The following GPALPP1 variants were observed in gnomAD, a reference collection of about 807,000 sequenced individuals.
GPALPP1 encodes the protein GPALPP motifs-containing protein 1.
Under a neutral mutation model 38.9 loss-of-function variants are expected in GPALPP1, and 30 were observed. The ratio of observed to expected loss-of-function variants is 0.77; its 90% CI spans 0.58 to 1.05. The LOEUF is 1.05. Among genes scored for constraint, GPALPP1 ranks in the 50% least tolerant of loss-of-function variants. The pLI, the probability that GPALPP1 is intolerant of heterozygous loss-of-function variation, is 0.00. For missense variants in GPALPP1, 384 were observed against 408.8 expected (o/e 0.94, Z 0.52); for synonymous variants, 120 against 139.2 (o/e 0.86, Z 0.97).
chr13:45,004,477 A>T (rs755801667), intron 2 of GPALPP1, 40 bp downstream of exon 2: 1 of 1,500,308 alleles, frequency 6.7e-7, no homozygotes, highest in East Asian at 2.3e-5. Context: ...ACCAAACTTC[A>T]GAGCTAGTAT....
In GPALPP1 at chr13:45,018,255, G is replaced by A. The variant is rs192392032; in HGVS notation, c.706-2075G>A. Among the ~76,000 whole-genome samples the A allele has an allele frequency of 5.9e-3, 897 of 152,268 alleles. 4 individuals carry two copies. Among genetic ancestry groups the A allele is most frequent in the Middle Eastern group, 0.014 (4 of 294 alleles). On this transcript the variant is annotated intron_variant, in intron 6 of 7. Coordinates refer to ENST00000379151, the MANE Select transcript of GPALPP1 (RefSeq NM_018559.5). The stretch of plus-strand genomic sequence containing the variant: ...TACTAAAAATACAAAAAATTAGCCA[G>A]GCGTGGTGGCGGGCGCCTGTAGTCG...
chr13:45,024,796 C>T lies in GPALPP1; in HGVS notation c.805-2989C>T, dbSNP rs150848227. Among the ~76,000 whole-genome samples, 997 of 151,996 alleles carry T rather than the reference C, an allele frequency of 6.6e-3. 13 individuals carry two copies. Among genetic ancestry groups the T allele is most frequent in the African/African-American group, 0.023 (937 of 41,492 alleles). On this transcript the variant is annotated intron_variant, in intron 7 of 7. Coordinates refer to ENST00000379151, the MANE Select transcript of GPALPP1 (RefSeq NM_018559.5). ...TACAAAAATTAGCTGAGCGTGGTGG[C>T]GGGCACCTGTAATCCCAGCTACTCA...
intron 1 of GPALPP1, 83 bp downstream of exon 1, chr13:44,989,825 C>T (rs1002865497): frequency 2.0e-5 from 22 of 1,090,874 alleles, no homozygotes; most frequent in Non-Finnish European, 2.6e-5. Flanking sequence ...AAGTCGGAGG[C>T]CTAGGAGGGC....
rs766324043 is a variant in GPALPP1, at chr13:45,006,350, AC to A, written c.323+48del. 7 of 882,818 alleles carry A rather than the reference AC, an allele frequency of 7.9e-6. No homozygotes were observed. The East Asian group carries it at 1.7e-4, about 22-fold the overall frequency. The allele number at this position is 882,818 out of a possible 1,614,324, so 54.7% of individuals were successfully genotyped here. On this transcript the variant is annotated intron_variant, in intron 3 of 7. Transcript: ENST00000379151. ...GGCCAGTCTTTCTTTAAATATTTTA[AC>A]TAATGAATCTTTAATGAATTAAAGA...
chr13:45,023,652 G>A (rs951115307), intron 7 of GPALPP1, among the ~76,000 whole-genome samples: 1 of 152,050 alleles, frequency 6.6e-6, no homozygotes, highest in Non-Finnish European at 1.5e-5. Flanking sequence ...TTTTCTCCAG[G>A]TCTTTGTTAT....
In GPALPP1 at chr13:45,020,372, G is replaced by C; in HGVS notation, c.748G>C (p.Glu250Gln). ...GAAGTCATCCAGTAAGAAAGATGAA[G>C]AACATATATTATCAGGAAGAGATAA... ...ARKSSSKKDE[E>Q]HILSGRDKRL... Residue 250 changes from glutamate to glutamine, a missense_variant, in exon 7 of 8, where the codon GAA becomes CAA. Physicochemically the swap from Glu to Gln is conservative, Grantham distance 29. Coordinates refer to ENST00000379151, the MANE Select transcript of GPALPP1 (RefSeq NM_018559.5). 1 of 1,549,280 alleles carries C rather than the reference G, an allele frequency of 6.5e-7. No individual in the cohort carries two copies. The highest frequency in any genetic ancestry group is 2.3e-5 in the East Asian group (1 of 44,306).
chr13:45,010,501 G>C (rs1184294048), intron 4 of GPALPP1, among the ~76,000 whole-genome samples: 1 of 152,032 alleles, frequency 6.6e-6, no homozygotes, highest in Non-Finnish European at 1.5e-5. Flanking sequence ...TATCACCAGT[G>C]CCTTATACAT....
intron 1 of GPALPP1, among the ~76,000 whole-genome samples, chr13:45,001,344 C>T (rs1873658986): frequency 6.6e-6 from 1 of 152,188 alleles, no homozygotes; most frequent in South Asian, 2.1e-4. Flanking sequence ...ATAAATTACT[C>T]AGTCTCAGGT....
Position 44,989,759 on chromosome 13 carries a change from C to G in GPALPP1, c.88+17C>G. The stretch of plus-strand genomic sequence containing the variant: ...CGAGCCCTGGTAAGCGGCGGCGTCT[C>G]CGCTGCCCACCAGGCCCATCTACCC... On this transcript the variant is annotated intron_variant, in intron 1 of 7. Coordinates refer to ENST00000379151, the MANE Select transcript of GPALPP1 (RefSeq NM_018559.5). 6.3e-7 allele frequency: 1 copy of G among 1,583,456 alleles called. No homozygotes were observed. The highest frequency in any genetic ancestry group is 1.3e-5 in the African/African-American group (1 of 74,660).
chr13:45,018,594 G>GA (rs1875049876), intron 6 of GPALPP1, among the ~76,000 whole-genome samples: 1 of 151,654 alleles, frequency 6.6e-6, no homozygotes, highest in African/African-American at 2.4e-5. Flanking sequence ...TATTTTCTGG[G>GA]AAAATGTAGA....
chr13:45,009,323 T>A (rs1874317740), intron 4 of GPALPP1, among the ~76,000 whole-genome samples: 1 of 152,216 alleles, frequency 6.6e-6, no homozygotes, highest in Non-Finnish European at 1.5e-5. Flanking sequence ...ATAAGTGATT[T>A]TAGGAAAAGA....
At chr13:44,994,949 G>A (rs1873140608) in intron 1 of GPALPP1, among the ~76,000 whole-genome samples, 1 of 151,992 alleles carries the variant, frequency 6.6e-6, no homozygotes, top group African/African-American at 2.4e-5. Flanking sequence ...CGCCTCCTGG[G>A]TTCAAGCTAT....
rs71759613 is a variant in GPALPP1, at chr13:45,005,086, C to CTTTTTTTTTT, written c.221+670_221+679dup. On this transcript the variant is annotated intron_variant, in intron 2 of 7. Transcript: ENST00000379151. ...TTTCTTTAAATAAACTAATGGTTTT[C>CTTTTTTTTTT]TTTTTTTTTTTTTTTTTTTTTTTTT... 23 of 57,532 alleles carry CTTTTTTTTTT rather than the reference C, an allele frequency of 4.0e-4. 3 individuals carry two copies. Among genetic ancestry groups the CTTTTTTTTTT allele is most frequent in the South Asian group, 8.9e-4 (1 of 1,128 alleles). The allele number at this position is 57,532 out of a possible 1,614,324, so 3.6% of individuals were successfully genotyped here.
intron 1 of GPALPP1, among the ~76,000 whole-genome samples, chr13:44,992,768 T>G (rs1422788224): frequency 6.6e-6 from 1 of 152,074 alleles, no homozygotes; most frequent in Non-Finnish European, 1.5e-5. Context: ...ATGCATCTAG[T>G]TTTTTTTCTT....
chr13:45,015,618 T>TC (rs780067423), intron 6 of GPALPP1, 22 bp downstream of exon 6: 1 of 1,406,892 alleles, frequency 7.1e-7, no homozygotes. Flanking sequence ...TGTTTGTTTG[T>TC]TCATGTATTT....
exon 8 of GPALPP1, chr13:45,035,800 G>A (rs1171982569): frequency 6.6e-6 from 1 of 152,136 alleles, no homozygotes; most frequent in Non-Finnish European, 1.5e-5. Context: ...GAATCTTTGG[G>A]GTTAGAATCA....
At position 45,029,767 on chromosome 13, in the gene GPALPP1, A is replaced by C. The variant is rs1193175151; in HGVS notation, c.*1764A>C. ...TTGTAATCAGTTTGCTTGTTTTAGC[A>C]CTCAGGGCTTTTTATTTGTTATTTA... On this transcript the variant is annotated 3_prime_UTR_variant, in exon 8 of 8. Coordinates refer to ENST00000379151, the MANE Select transcript of GPALPP1 (RefSeq NM_018559.5). 6.6e-6 allele frequency: 1 copy of C among 152,164 alleles called. No homozygotes were observed. Among genetic ancestry groups the C allele is most frequent in the Non-Finnish European group, 1.5e-5 (1 of 68,022 alleles). The allele number at this position is 152,164 out of a possible 1,614,324, so 9.4% of individuals were successfully genotyped here.
intron 1 of GPALPP1, among the ~76,000 whole-genome samples, chr13:44,992,616 A>T (rs1024864575): frequency 6.6e-6 from 1 of 152,160 alleles, no homozygotes; most frequent in Non-Finnish European, 1.5e-5. Flanking sequence ...TATATTTGCA[A>T]TTCATCTGGA....
rs200876314 is a variant in GPALPP1 at position 45,015,043 on chromosome 13, G to C, written c.500G>C (p.Arg167Thr). ...NYNVTTEFEKRAQRMKEKLTK... is the reference protein window; with the variant it reads ...NYNVTTEFEKTAQRMKEKLTK... ...AATGTAACGACAGAGTTTGAAAAAAGGGCCCAGAGAATGAAAGAAAAACTG... is the reference window on the plus strand; with the variant it reads ...AATGTAACGACAGAGTTTGAAAAAACGGCCCAGAGAATGAAAGAAAAACTG... The change falls in exon 5 of 8, where the codon AGG becomes ACG. Residue 167 changes from arginine (R) to threonine (T), a missense_variant. Physicochemically the swap from Arg to Thr is moderately conservative, Grantham distance 71. Coordinates refer to ENST00000379151, the MANE Select transcript of GPALPP1 (RefSeq NM_018559.5). 1.8e-4 allele frequency: 293 copies of C among 1,608,644 alleles called. 2 individuals are homozygous for C. The East Asian group carries it at 5.5e-3, about 30-fold the overall frequency.
Sources: gnomAD v4.1 joint callset for allele counts (sites outside exome capture counted in the v4.1 genomes callset) on GRCh38, gnomAD v4.1.1 for gene constraint, MANE v1.5 for transcripts, NCBI Gene and HGNC (gene_info 2026-07-23, HGNC 2026-07-21) for gene names.